CAPN2: variants seen among roughly 807,000 people sequenced by gnomAD.
CAPN2 encodes the protein calpain 2.
A neutral mutation model predicts 102.3 loss-of-function variants in CAPN2; 92 were observed. That is an observed-to-expected ratio of 0.90 (90% confidence interval 0.76 to 1.07). The LOEUF (loss-of-function observed/expected upper bound fraction) is 1.07, where lower values mean the gene tolerates loss of function less well. Ranked by LOEUF, CAPN2 falls within the 50% of genes least tolerant of loss-of-function variation. The probability of loss-of-function intolerance (pLI) is 0.00; values close to 1 mark genes in which losing one functional copy is unlikely to be tolerated. For missense variants in CAPN2, 800 were observed against 909.4 expected (o/e 0.88, Z 1.55); for synonymous variants, 340 against 355.4 (o/e 0.96, Z 0.49).
At chr1:223,752,154 G>C (rs1660919349) in intron 8 of CAPN2, 83 bp downstream of exon 8, 4 of 960,284 alleles carry the variant, frequency 4.2e-6, no homozygotes, top group Non-Finnish European at 4.9e-6. Flanking sequence ...AAGAGTGTCG[G>C]CCAAAGTGAG....
intron 2 of CAPN2, 88 bp from the exon 3 acceptor site, chr1:223,744,012 T>C: frequency 1.1e-6 from 1 of 880,904 alleles, no homozygotes; most frequent in Non-Finnish European, 1.9e-6. Context: ...TGTCTTAGGC[T>C]TTAAGCCCCT....
At chr1:223,772,096 G>T in intron 19 of CAPN2, 85 bp from the exon 20 acceptor site, 2 of 1,309,098 alleles carry the variant, frequency 1.5e-6, no homozygotes, top group Non-Finnish European at 2.2e-6. Flanking sequence ...GGTGGTCAGT[G>T]AAGTCAGTTG....
At position 223,745,423 on chromosome 1, in the gene CAPN2, G is replaced by C. The variant is rs1660729832; in HGVS notation, c.544G>C (p.Glu182Gln). ...GAGCGAGTTCTGGAGCGCCCTGCTG[G>C]AGAAGGCATACGCCAAGTAAGTTGC... is the stretch of plus-strand genomic sequence containing the variant. The part of the protein sequence containing the change: ...EGSEFWSALL[E>Q]KAYAKINGCY... Residue 182 changes from glutamate to glutamine, a missense_variant, in exon 4 of 21, where the codon GAG (glutamate) becomes CAG (glutamine). By Grantham distance (29) the Glu-to-Gln change is conservative. Coordinates refer to ENST00000295006, the MANE Select transcript of CAPN2 (RefSeq NM_001748.5). 1.2e-6 allele frequency: 2 copies of C among 1,614,090 alleles called. No individual in the cohort carries two copies. Among genetic ancestry groups the C allele is most frequent in the East Asian group, 2.2e-5 (1 of 44,900 alleles).
At position 223,717,763 on chromosome 1, in the gene CAPN2, A is replaced by C. The variant is rs1371233955; in HGVS notation, c.239A>C (p.Glu80Ala). ...TRGIEWKRPT[E>A]ICADPQFIIG... ...GCACTTTGTGGGTCTCGTTCCCAGG[A>C]GATCTGCGCTGACCCCCAGTTTATC... The change falls in exon 2 of 21, where the codon GAG becomes GCG. Residue 80 changes from glutamate (E) to alanine (A), a missense_variant and splice_region_variant. Coordinates refer to ENST00000295006, the MANE Select transcript of CAPN2 (RefSeq NM_001748.5). 6.2e-7 allele frequency: 1 copy of C among 1,613,782 alleles called. No individual in the cohort carries two copies. Among genetic ancestry groups the C allele is most frequent in the Non-Finnish European group, 8.5e-7 (1 of 1,179,786 alleles).
At chr1:223,706,532 C>T (rs1217691085) in intron 1 of CAPN2, among the ~76,000 whole-genome samples, 1 of 152,156 alleles carries the variant, frequency 6.6e-6, no homozygotes, top group Non-Finnish European at 1.5e-5. Flanking sequence ...TCCCTCTGCC[C>T]TCCTACACTG....
rs746607443 is a variant in CAPN2 at position 223,755,591 on chromosome 1, G to A, written c.1247G>A (p.Arg416Gln). The change falls in exon 10 of 21, where the codon CGA becomes CAA. Residue 416 changes from arginine (R) to glutamine (Q), a missense_variant. Arg to Gln is a conservative substitution (Grantham distance 43). Transcript: ENST00000295006. The surrounding 1 kb of genome is among the most constrained non-coding windows in gnomAD (Gnocchi z 4.1). ...TFLVGLIQKH[R>Q]RRQRKMGEDM... The stretch of plus-strand genomic sequence containing the variant: ...CTGGTGGGGCTCATTCAGAAGCACC[G>A]ACGGCGGCAGAGGAAGATGGGCGAG... The A allele has an allele frequency of 4.2e-5, 68 of 1,613,098 alleles. No individual in the cohort carries two copies. The highest frequency in any genetic ancestry group is 5.6e-5 in the Non-Finnish European group (66 of 1,179,612).
At chr1:223,718,121 T>A in intron 2 of CAPN2, among the ~76,000 whole-genome samples, 1 of 152,184 alleles carries the variant, frequency 6.6e-6, no homozygotes, top group East Asian at 1.9e-4. Flanking sequence ...AGCCACCCCT[T>A]GGTATGCACC....
chr1:223,764,094 T>C, intron 14 of CAPN2, 56 bp from the exon 15 acceptor site: 2 of 1,408,636 alleles, frequency 1.4e-6, no homozygotes, highest in Non-Finnish European at 2.0e-6. Flanking sequence ...TCCTGCCCTG[T>C]GCTCATCCAG....
At chr1:223,761,708 C>A in intron 13 of CAPN2, 91 bp downstream of exon 13, 1 of 1,032,500 alleles carries the variant, frequency 9.7e-7, no homozygotes, top group South Asian at 1.4e-5. Flanking sequence ...TTGGACTTCA[C>A]GAACAAAGCC....
chr1:223,748,590 G>A (rs1274146772), intron 5 of CAPN2, among the ~76,000 whole-genome samples: 1 of 152,176 alleles, frequency 6.6e-6, no homozygotes, highest in Non-Finnish European at 1.5e-5. Context: ...GTGGGGCGAG[G>A]GTGTGCTCAG....
At chr1:223,702,252 C>T (rs374394537) in intron 1 of CAPN2, among the ~76,000 whole-genome samples, 1 of 151,546 alleles carries the variant, frequency 6.6e-6, no homozygotes, top group Admixed American at 6.6e-5. Flanking sequence ...ATGGTAAAAC[C>T]CTGTCTCTAC....
At chr1:223,729,150 G>C (rs1660268870) in intron 2 of CAPN2, among the ~76,000 whole-genome samples, 1 of 152,110 alleles carries the variant, frequency 6.6e-6, no homozygotes, top group Admixed American at 6.6e-5. Flanking sequence ...AATTGTAATG[G>C]CTTGACATGC....
At chr1:223,736,370 A>G (rs552858382) in intron 2 of CAPN2, among the ~76,000 whole-genome samples, 61 of 152,276 alleles carry the variant, frequency 4.0e-4, no homozygotes, top group African/African-American at 1.4e-3. Flanking sequence ...GTGCCCAGAG[A>G]CAAAAAGATG....
chr1:223,712,673 C>T lies in CAPN2; in HGVS notation c.33C>T (p.Asp11=), dbSNP rs549053447. 3 of 1,550,160 alleles carry T rather than the reference C, an allele frequency of 1.9e-6. No individual in the cohort carries two copies. Among genetic ancestry groups the T allele is most frequent in the Non-Finnish European group, 1.7e-6 (2 of 1,149,854 alleles). MAGIAAKLAK[D]REAAEGLGSH... Reference sequence around the variant, plus strand: ...GCATCGCGGCCAAGCTGGCGAAGGACCGGGAGGCGGCCGAGGGGCTGGGCT... The same window carrying T: ...GCATCGCGGCCAAGCTGGCGAAGGATCGGGAGGCGGCCGAGGGGCTGGGCT... The change falls in exon 1 of 21, where the codon GAC becomes GAT. Residue 11 remains aspartate, a synonymous_variant. Coordinates refer to ENST00000295006, the MANE Select transcript of CAPN2 (RefSeq NM_001748.5).
chr1:223,748,030 G>A (rs991902169), intron 5 of CAPN2, among the ~76,000 whole-genome samples: 1 of 152,034 alleles, frequency 6.6e-6, no homozygotes, highest in Non-Finnish European at 1.5e-5. Flanking sequence ...CCACCCCTCT[G>A]ACCACAGGTT....
At position 223,752,125 on chromosome 1, in the gene CAPN2, TAGA is replaced by T. The variant is rs1256452481; in HGVS notation, c.974+56_974+58del. The stretch of plus-strand genomic sequence containing the variant: ...CTCTGTCTGCCCCAATGTTCTTTAC[TAGA>T]AAACTGCTAATTAGAAAGAGTGTCG... On this transcript the variant is annotated intron_variant, in intron 8 of 20. Transcript: ENST00000295006. 6 of 1,222,710 alleles carry T rather than the reference TAGA, an allele frequency of 4.9e-6. No individual in the cohort carries two copies. In the East Asian group the frequency reaches 1.4e-4, roughly 28 times the overall value. The allele number at this position is 1,222,710 out of a possible 1,614,324, so 75.7% of individuals were successfully genotyped here.
At chr1:223,739,026 G>C (rs1391050800) in intron 2 of CAPN2, among the ~76,000 whole-genome samples, 1 of 152,178 alleles carries the variant, frequency 6.6e-6, no homozygotes, top group Non-Finnish European at 1.5e-5. Flanking sequence ...GGAGGGTGTA[G>C]ACTGGACATG....
intron 16 of CAPN2, among the ~76,000 whole-genome samples, chr1:223,766,785 C>G (rs1173842603): frequency 6.6e-6 from 1 of 152,116 alleles, no homozygotes; most frequent in Non-Finnish European, 1.5e-5. Context: ...CATGGTGAAA[C>G]CTTGTCTCTA....
chr1:223,748,524 G>A (rs1387413843), intron 5 of CAPN2, among the ~76,000 whole-genome samples: 1 of 152,208 alleles, frequency 6.6e-6, no homozygotes, highest in Non-Finnish European at 1.5e-5. Flanking sequence ...ATAAACAACC[G>A]TCCTAGTATA....
Sources: allele counts gnomAD v4.1 joint callset (sites outside exome capture counted in the v4.1 genomes callset), GRCh38; gene constraint gnomAD v4.1.1; non-coding constraint Gnocchi (gnomAD v3.1); transcripts MANE v1.5; gene names NCBI Gene and HGNC (gene_info 2026-07-23, HGNC 2026-07-21).